The following MFN2 variants were observed in gnomAD, a reference collection of about 807,000 sequenced individuals.
MFN2 encodes mitofusin 2.
In MFN2, 43 loss-of-function variants were observed where a neutral mutation model predicts 87.5. That is an observed-to-expected ratio of 0.49 (90% CI 0.38 to 0.63). MFN2 has a LOEUF of 0.63. Among genes scored for constraint, MFN2 ranks in the 30% least tolerant of loss-of-function variants. MFN2 has a pLI of 0.00. For synonymous variants in MFN2, 337 were observed against 359.9 expected (o/e 0.94, Z 0.72); for missense variants, 743 against 972.8 (o/e 0.76, Z 3.14).
chr1:11,990,778 C>A (rs1433670975), intron 3 of MFN2, among the ~76,000 whole-genome samples: 1 of 152,192 alleles, frequency 6.6e-6, no homozygotes, highest in Non-Finnish European at 1.5e-5. Context: ...TGAGAGCCAG[C>A]TTCCTCCGAG....
intron 18 of MFN2, 28 bp from the exon 19 acceptor site, chr1:12,011,468 T>C: frequency 1.2e-6 from 2 of 1,613,704 alleles, no homozygotes; most frequent in African/African-American, 1.3e-5. Flanking sequence ...TCAGCTATCA[T>C]GGTTACAAAA....
At position 11,996,313 on chromosome 1, in the gene MFN2, G is replaced by A. The variant is rs764880166; in HGVS notation, c.469G>A (p.Ala157Thr). Residue 157 changes from alanine (A) to threonine (T), a missense_variant, in exon 5 of 19, where the codon GCC becomes ACC. Coordinates refer to ENST00000235329, the MANE Select transcript of MFN2 (RefSeq NM_014874.4). ...CGAGGGCTCAGAGGAAAAGAGGAGT[G>A]CCAAGGTGAGGGTGCCAGGCTGGCT... Reference protein sequence around the residue: ...LTEGSEEKRSAKTVNQLAHAL... With the variant: ...LTEGSEEKRSTKTVNQLAHAL... The A allele has an allele frequency of 1.2e-6, 2 of 1,614,122 alleles. No homozygotes were observed. Among genetic ancestry groups the A allele is most frequent in the South Asian group, 2.2e-5 (2 of 91,078 alleles).
Position 12,004,211 on chromosome 1 carries a change from C to A in MFN2, c.1287+93C>A. 1 of 1,534,020 alleles carries A rather than the reference C, an allele frequency of 6.5e-7. No homozygotes were observed. Among genetic ancestry groups the A allele is most frequent in the Non-Finnish European group, 8.9e-7 (1 of 1,120,156 alleles). ...CTCCTCCTCTTAGGGACTTCTCAGC[C>A]TTTCAGAAGAAAGTTGTGGCCCTGT... On this transcript the variant is annotated intron_variant, in intron 12 of 18. Coordinates refer to ENST00000235329, the MANE Select transcript of MFN2 (RefSeq NM_014874.4). The surrounding 1 kb of genome is among the most constrained non-coding windows in gnomAD (Gnocchi z 4.2).
intron 6 of MFN2, among the ~76,000 whole-genome samples, chr1:11,997,898 T>TG (rs1638981954): frequency 6.8e-6 from 1 of 146,526 alleles, no homozygotes; most frequent in South Asian, 2.3e-4. Context: ...TTTTTTTTTT[T>TG]TTTGAGACAG....
chr1:12,009,402 T>G (rs1168906532), intron 17 of MFN2, among the ~76,000 whole-genome samples, 190 bp from the exon 18 acceptor site: 1 of 151,834 alleles, frequency 6.6e-6, no homozygotes, highest in Non-Finnish European at 1.5e-5. Context: ...TGATGCTGAG[T>G]GTGTTTGGTT....
intron 4 of MFN2, among the ~76,000 whole-genome samples, chr1:11,994,776 A>G (rs1021664356): frequency 3.3e-5 from 5 of 152,000 alleles, no homozygotes; most frequent in Non-Finnish European, 7.4e-5. Context: ...ATGACCCCCT[A>G]CTTAGGTGAG....
intron 8 of MFN2, 32 bp from the exon 9 acceptor site, chr1:12,001,369 A>T (rs1409001445): frequency 6.2e-7 from 1 of 1,611,792 alleles, no homozygotes; most frequent in Non-Finnish European, 8.5e-7. Flanking sequence ...GGCCACCTAC[A>T]CTCACTCTGG....
chr1:12,006,548 C>T lies in MFN2; in HGVS notation c.1727C>T (p.Pro576Leu), dbSNP rs756441388. Residue 576 changes from proline (P) to leucine (L), a missense_variant, in exon 16 of 19, where the codon CCC (proline) becomes CTC (leucine). Pro to Leu is a moderately conservative substitution (Grantham distance 98, BLOSUM62 -3). Around this residue, in one of 3 missense-constraint regions of MFN2, gnomAD observed 571 missense variants for 670.7 expected, o/e 0.85. Coordinates refer to ENST00000235329, the MANE Select transcript of MFN2 (RefSeq NM_014874.4). ...LMGYNDQVQR[P>L]IPLTPANPSM... is the part of the protein sequence containing the mutation. ...TGTTTCTCTCCTCAGGTCCAGCGTCCCATCCCTCTGACGCCAGCCAACCCC... is the reference window on the plus strand; with the variant it reads ...TGTTTCTCTCCTCAGGTCCAGCGTCTCATCCCTCTGACGCCAGCCAACCCC... 3.1e-6 allele frequency: 5 copies of T among 1,614,072 alleles called. No homozygotes were observed. The African/African-American group carries it at 6.7e-5, about 22-fold the overall frequency.
chr1:11,991,594 A>C (rs1405995959), intron 3 of MFN2, among the ~76,000 whole-genome samples: 5 of 152,156 alleles, frequency 3.3e-5, no homozygotes, highest in Admixed American at 2.0e-4. Context: ...AGCGGGTGGC[A>C]AGAGGCCAAC....
chr1:11,981,415 A>C (rs1028333081), intron 1 of MFN2, among the ~76,000 whole-genome samples: 2 of 152,234 alleles, frequency 1.3e-5, no homozygotes, highest in Non-Finnish European at 2.9e-5. Flanking sequence ...AGGCAGGAGA[A>C]TCGCTTGAAC....
chr1:11,996,082 G>A, intron 4 of MFN2, 74 bp from the exon 5 acceptor site: 1 of 1,597,314 alleles, frequency 6.3e-7, no homozygotes, highest in East Asian at 2.2e-5. Flanking sequence ...GGCCTTCCAG[G>A]CTGGTATCTG....
At chr1:11,994,826 T>C (rs972644774) in intron 4 of MFN2, among the ~76,000 whole-genome samples, 4 of 152,202 alleles carry the variant, frequency 2.6e-5, no homozygotes, top group South Asian at 2.1e-4. Context: ...GGTAAGGTCA[T>C]TGTAGTTCTG....
intron 2 of MFN2, among the ~76,000 whole-genome samples, chr1:11,983,819 AG>A (rs1638259619): frequency 6.6e-6 from 1 of 152,176 alleles, no homozygotes; most frequent in Admixed American, 6.5e-5. Flanking sequence ...GTGACACTTG[AG>A]TTGGGTCTAG....
chr1:11,989,075 T>C (rs1638554787), intron 2 of MFN2, 90 bp from the exon 3 acceptor site: 2 of 1,426,984 alleles, frequency 1.4e-6, no homozygotes, highest in South Asian at 2.3e-5. Context: ...CCCCATATTC[T>C]TGATTCTCCC....
Position 12,001,963 on chromosome 1 carries a change from G to A in MFN2, c.1039-19G>A, listed in dbSNP as rs74052923. ...CCCCTGGTGGCCCCCACCTCCCTCC[G>A]TGCCTCTGTGTGTTCCAGGAGTGCA... On this transcript the variant is annotated intron_variant, in intron 10 of 18. Coordinates refer to ENST00000235329, the MANE Select transcript of MFN2 (RefSeq NM_014874.4). 8.1e-3 allele frequency: 13,078 copies of A among 1,614,022 alleles called. 818 individuals carry two copies. The African/African-American group carries it at 0.15, about 18-fold the overall frequency.
intron 17 of MFN2, among the ~76,000 whole-genome samples, chr1:12,008,939 T>C (rs1466075664): frequency 6.6e-6 from 1 of 152,236 alleles, no homozygotes; most frequent in Non-Finnish European, 1.5e-5. Context: ...AGACTCCATC[T>C]GCAATCCCGG....
At position 11,981,920 on chromosome 1, in the gene MFN2, G is replaced by GTTCTTTTT. The variant is rs1645992499; in HGVS notation, c.-149-48_-149-47insCTTTTTTT. ...GATTAGACATGTTTTGTACACCAGTGTTTTTTTTTTTTGGACACCGGATCC... is the reference window on the plus strand; with the variant it reads ...GATTAGACATGTTTTGTACACCAGTGTTCTTTTTTTTTTTTTTTTTGGACACCGGATCC... On this transcript the variant is annotated intron_variant, in intron 1 of 18. Coordinates refer to ENST00000235329, the MANE Select transcript of MFN2 (RefSeq NM_014874.4). 2.2e-5 allele frequency: 3 copies of GTTCTTTTT among 138,012 alleles called. No individual in the cohort carries two copies. The South Asian group carries it at 6.8e-4, about 31-fold the overall frequency. 8.5% of individuals were successfully genotyped at this position (138,012 alleles called of 1,614,324 possible).
intron 4 of MFN2, among the ~76,000 whole-genome samples, chr1:11,994,350 A>T (rs984779712): frequency 2.6e-5 from 4 of 152,246 alleles, no homozygotes; most frequent in Non-Finnish European, 5.9e-5. Flanking sequence ...GCACTTTGGG[A>T]GGCCAAGGCA....
chr1:11,993,644 AGAATGGTGT>A lies in MFN2; in HGVS notation c.311+958_311+966del, dbSNP rs201551656. 2.5e-3 allele frequency among the ~76,000 whole-genome samples: 371 copies of A among 151,130 alleles called. 8 individuals are homozygous for A. In the East Asian group the frequency reaches 0.042, roughly 17 times the overall value. On this transcript the variant is annotated intron_variant, in intron 4 of 18. Transcript: ENST00000235329. ...CAGCTACTTGGGAGGCTAGGGCAGG[AGAATGGTGT>A]GAACCCCAGGGGGCGGAGCCTGCAG...
Sources: allele counts gnomAD v4.1 joint callset (sites outside exome capture counted in the v4.1 genomes callset), GRCh38; gene constraint gnomAD v4.1.1; regional missense constraint gnomAD v4.1.1; non-coding constraint Gnocchi (gnomAD v3.1); transcripts MANE v1.5; gene names NCBI Gene and HGNC (gene_info 2026-07-23, HGNC 2026-07-21).